The following ZFTA variants were observed in gnomAD, a reference collection of about 807,000 sequenced individuals.
ZFTA encodes the protein zinc finger translocation-associated protein.
A neutral mutation model predicts 41.8 loss-of-function variants in ZFTA; 35 were observed. The observed-to-expected ratio is 0.84, with a 90% CI of 0.64 to 1.11. ZFTA has a LOEUF of 1.11. ZFTA is among the 50% of genes most tolerant of loss of function. The pLI is 0.00. For synonymous variants in ZFTA, 514 were observed against 436.4 expected (o/e 1.18, Z -2.22); for missense variants, 964 against 989.8 (o/e 0.97, Z 0.35).
rs1478638121 is a variant in ZFTA, at chr11:63,761,072, T to A, written c.*2346A>T. ...GCCTACTGTTTTTGAATGGGCAGAGTAAAAAAAGTGGTGTTAATACTCTGG... is the reference window on the plus strand; with the variant it reads ...GCCTACTGTTTTTGAATGGGCAGAGAAAAAAAAGTGGTGTTAATACTCTGG... On this transcript the variant is annotated 3_prime_UTR_variant, in exon 5 of 5. Coordinates refer to ENST00000433688, the MANE Select transcript of ZFTA (RefSeq NM_001144936.2). 1 of 151,346 alleles carries A rather than the reference T, an allele frequency of 6.6e-6. No individual in the cohort carries two copies. Among genetic ancestry groups the A allele is most frequent in the South Asian group, 2.1e-4 (1 of 4,808 alleles). The allele number at this position is 151,346 out of a possible 1,614,324, so 9.4% of individuals were successfully genotyped here. A position where few individuals can be genotyped will look rare whatever the true frequency, so the allele number is the denominator to read the frequency against.
rs1040792293 is a variant in ZFTA, at chr11:63,768,723, G to A, written c.-101C>T. 2.0e-4 allele frequency: 90 copies of A among 447,656 alleles called. No individual in the cohort carries two copies. The highest frequency in any genetic ancestry group is 1.9e-3 in the African/African-American group (87 of 46,228). The allele number at this position is 447,656 out of a possible 1,614,324, so 27.7% of individuals were successfully genotyped here. On this transcript the variant is annotated 5_prime_UTR_variant, in exon 1 of 5. Coordinates refer to ENST00000433688, the MANE Select transcript of ZFTA (RefSeq NM_001144936.2). ...CTCGCTGCGCGGGGCCCCGGGGCGC[G>A]GGGCGCATGCACGGGGCGGCCGGCC...
Position 63,764,186 on chromosome 11 carries a change from C to T in ZFTA, c.1437G>A (p.Glu479=). ...GCAGGTGGGCGGCCTTCTCGCTCCACTCCCGGGCGATGAGGGCCTGGACAG... is the reference window on the plus strand; with the variant it reads ...GCAGGTGGGCGGCCTTCTCGCTCCATTCCCGGGCGATGAGGGCCTGGACAG... The part of the protein sequence containing the change: ...GGPVQALIAR[E]WSEKAAHLLA... The change falls in exon 4 of 5, where the codon GAG becomes GAA. Residue 479 remains glutamate (E), a synonymous_variant. Transcript: ENST00000433688. 7.2e-7 allele frequency: 1 copy of T among 1,389,386 alleles called. No individual in the cohort carries two copies. 86.1% of individuals were successfully genotyped at this position (1,389,386 alleles called of 1,614,324 possible).
In ZFTA at chr11:63,764,342, G is replaced by A. The variant is rs1271963521; in HGVS notation, c.1281C>T (p.Leu427=). The stretch of plus-strand genomic sequence containing the variant: ...CGCGCCGGCCGCCGTCCAACTCCAT[G>A]AGGTACTCCAGCCGCCAGCGCTCCT... ...HPQERWRLEY[L]MELDGGRRGL... Residue 427 remains leucine, a synonymous_variant, in exon 4 of 5, where the codon CTC becomes CTT. Transcript: ENST00000433688. The A allele has an allele frequency of 7.4e-7, 1 of 1,350,032 alleles. No homozygotes were observed. Among genetic ancestry groups the A allele is most frequent in the African/African-American group, 1.6e-5 (1 of 64,476 alleles). The allele number at this position is 1,350,032 out of a possible 1,614,324, so 83.6% of individuals were successfully genotyped here.
chr11:63,768,599 C>T lies in ZFTA; in HGVS notation c.24G>A (p.Arg8=). Residue 8 remains arginine (R), a synonymous_variant, in exon 1 of 5, where the codon CGG becomes CGA. Coordinates refer to ENST00000433688, the MANE Select transcript of ZFTA (RefSeq NM_001144936.2). ...CGCCCCTGCCGCCGCTGCTCCGGCT[C>T]CGGTGGTCCCCGCCGGGCTCCATGC... MEPGGDH[R]SRSSGGRGGP... 2 of 1,025,520 alleles carry T rather than the reference C, an allele frequency of 2.0e-6. No individual in the cohort carries two copies. Among genetic ancestry groups the T allele is most frequent in the Non-Finnish European group, 2.3e-6 (2 of 858,864 alleles). 63.5% of individuals were successfully genotyped at this position (1,025,520 alleles called of 1,614,324 possible). A position where few individuals can be genotyped will look rare whatever the true frequency, so the allele number is the denominator to read the frequency against.
chr11:63,765,850 C>T lies in ZFTA; in HGVS notation c.594G>A (p.Glu198=). ...EEEEEEEEEE[E]EEGAGVPACP... ...AAGCTGGGACACCGGCCCCCTCCTC[C>T]TCCTCCTCTTCTTCCTCCTCCTCCT... Residue 198 remains glutamate (E), a synonymous_variant, in exon 2 of 5, where the codon GAG becomes GAA. Transcript: ENST00000433688. The surrounding 1 kb of genome is among the most constrained non-coding windows in gnomAD (Gnocchi z 4.0). 1 of 1,509,268 alleles carries T rather than the reference C, an allele frequency of 6.6e-7. No individual in the cohort carries two copies. Among genetic ancestry groups the T allele is most frequent in the Non-Finnish European group, 8.9e-7 (1 of 1,129,100 alleles). The allele number at this position is 1,509,268 out of a possible 1,614,324, so 93.5% of individuals were successfully genotyped here.
rs956036877 is a variant in ZFTA, at chr11:63,768,659, G to GCGCGGGGC, written c.-45_-38dup. On this transcript the variant is annotated 5_prime_UTR_variant, in exon 1 of 5. Coordinates refer to ENST00000433688, the MANE Select transcript of ZFTA (RefSeq NM_001144936.2). Reference sequence around the variant, plus strand: ...CGGAGCGGGGCCCCGGGGCGGCGGGGCGCGGGGCCGCGGGGCCGGCGGCAG... The same window carrying GCGCGGGGC: ...CGGAGCGGGGCCCCGGGGCGGCGGGGCGCGGGGCCGCGGGGCCGCGGGGCCGGCGGCAG... The GCGCGGGGC allele has an allele frequency of 5.0e-5, 48 of 955,758 alleles. 2 individuals carry two copies. In the Admixed American group the frequency reaches 1.1e-3, roughly 22 times the overall value. 59.2% of individuals were successfully genotyped at this position (955,758 alleles called of 1,614,324 possible). A position where few individuals can be genotyped will look rare whatever the true frequency, so the allele number is the denominator to read the frequency against.
Position 63,765,141 on chromosome 11 carries a change from G to C in ZFTA, c.751C>G (p.Leu251Val). 6.5e-7 allele frequency: 1 copy of C among 1,547,030 alleles called. No homozygotes were observed. The stretch of plus-strand genomic sequence containing the variant: ...CTCCTCTCCAGGCGCCGGGCCCCCA[G>C]CCCCCTGCTGCCCCCGGCCCTCCGG... Reference protein sequence around the residue: ...ASRRAGGSRGLGARRLERRLK... With the variant: ...ASRRAGGSRGVGARRLERRLK... Residue 251 changes from leucine to valine, a missense_variant, in exon 3 of 5, where the codon CTG (leucine) becomes GTG (valine). Around this residue, in one of 5 missense-constraint regions of ZFTA, gnomAD observed 584 missense variants for 523.1 expected, o/e 1.12. Coordinates refer to ENST00000433688, the MANE Select transcript of ZFTA (RefSeq NM_001144936.2). The surrounding 1 kb of genome is among the most constrained non-coding windows in gnomAD (Gnocchi z 4.0).
chr11:63,763,729 C>T lies in ZFTA; in HGVS notation c.1726G>A (p.Glu576Lys). 6.6e-7 allele frequency: 1 copy of T among 1,511,310 alleles called. No individual in the cohort carries two copies. The highest frequency in any genetic ancestry group is 8.9e-7 in the Non-Finnish European group (1 of 1,125,912). The allele number at this position is 1,511,310 out of a possible 1,614,324, so 93.6% of individuals were successfully genotyped here. ...PPPPPPPRSR[E>K]QRRNYQPRWR... ...CGCGGCTGGTAGTTCCGCCGCTGCT[C>T]CCGGCTGCGGGGCGGGGGCGGAGGC... Residue 576 changes from glutamate (E) to lysine (K), a missense_variant, in exon 5 of 5, where the codon GAG (glutamate) becomes AAG (lysine). This residue lies in a region of ZFTA where 584 missense variants were observed against 523.1 expected (regional missense o/e 1.12). Transcript: ENST00000433688.
In ZFTA at chr11:63,762,413, AGATC is replaced by A. The variant is rs1315870987; in HGVS notation, c.*1001_*1004del. ...CACATCCCTCTCGGACCTGCCTGGG[AGATC>A]GCGGGGCCCCATCCCTGCCACACAG... On this transcript the variant is annotated 3_prime_UTR_variant, in exon 5 of 5. Coordinates refer to ENST00000433688, the MANE Select transcript of ZFTA (RefSeq NM_001144936.2). The A allele has an allele frequency of 6.6e-6, 1 of 152,228 alleles. No individual in the cohort carries two copies. Among genetic ancestry groups the A allele is most frequent in the African/African-American group, 2.4e-5 (1 of 41,464 alleles). The allele number at this position is 152,228 out of a possible 1,614,324, so 9.4% of individuals were successfully genotyped here. A position where few individuals can be genotyped will look rare whatever the true frequency, so the allele number is the denominator to read the frequency against.
At position 63,768,641 on chromosome 11, in the gene ZFTA, G is replaced by C; in HGVS notation, c.-19C>G. On this transcript the variant is annotated 5_prime_UTR_variant, in exon 1 of 5. Coordinates refer to ENST00000433688, the MANE Select transcript of ZFTA (RefSeq NM_001144936.2). ...GCTCCATGCGCTGCGCTGCGGAGCG[G>C]GGCCCCGGGGCGGCGGGGCGCGGGG... 2.0e-6 allele frequency: 2 copies of C among 979,118 alleles called. No homozygotes were observed. Among genetic ancestry groups the C allele is most frequent in the Non-Finnish European group, 2.4e-6 (2 of 827,762 alleles). 60.7% of individuals were successfully genotyped at this position (979,118 alleles called of 1,614,324 possible).
In ZFTA at chr11:63,763,278, G is replaced by A; in HGVS notation, c.*140C>T. The A allele has an allele frequency of 7.6e-6, 4 of 529,722 alleles. No homozygotes were observed. Among genetic ancestry groups the A allele is most frequent in the Non-Finnish European group, 1.0e-5 (4 of 390,316 alleles). 32.8% of individuals were successfully genotyped at this position (529,722 alleles called of 1,614,324 possible). ...CCCACCCGATCCCCCGTCTCCGCCC[G>A]GCCCGGCCAGCGGGGGGCGCGGCCG... On this transcript the variant is annotated 3_prime_UTR_variant, in exon 5 of 5. Transcript: ENST00000433688.
At chr11:63,768,031 A>T (rs1233487920) in intron 1 of ZFTA, among the ~76,000 whole-genome samples, 2 of 152,144 alleles carry the variant, frequency 1.3e-5, no homozygotes, top group East Asian at 3.9e-4. Context: ...GCCCGATTTA[A>T]AACAGCAGAG....
Position 63,764,304 on chromosome 11 carries a change from C to T in ZFTA, c.1319G>A (p.Gly440Glu). Reference protein sequence around the residue: ...LDGGRRGLVCGVCGGALASLK... With the variant: ...LDGGRRGLVCEVCGGALASLK... Reference sequence around the variant, plus strand: ...CGAGGCCAGCGCGCCCCCGCACACCCCGCACACCAGGCCGCGCCGGCCGCC... The same window carrying T: ...CGAGGCCAGCGCGCCCCCGCACACCTCGCACACCAGGCCGCGCCGGCCGCC... The change falls in exon 4 of 5, where the codon GGG (glycine) becomes GAG (glutamate). Residue 440 changes from glycine to glutamate, a missense_variant. Physicochemically the swap from Gly to Glu is moderately conservative, Grantham distance 98. This residue lies in a region of ZFTA where 584 missense variants were observed against 523.1 expected (regional missense o/e 1.12). Coordinates refer to ENST00000433688, the MANE Select transcript of ZFTA (RefSeq NM_001144936.2). The T allele has an allele frequency of 1.4e-6, 2 of 1,422,206 alleles. No homozygotes were observed. Among genetic ancestry groups the T allele is most frequent in the Non-Finnish European group, 1.8e-6 (2 of 1,093,354 alleles). 88.1% of individuals were successfully genotyped at this position (1,422,206 alleles called of 1,614,324 possible).
At position 63,765,792 on chromosome 11, in the gene ZFTA, C is replaced by T; in HGVS notation, c.637+15G>A. ...ACCCAGGCCCCTGCCTGTACAGAAT[C>T]TGCATTTGCATTACCTGGGCCCTTG... On this transcript the variant is annotated intron_variant, in intron 2 of 4. Transcript: ENST00000433688. The surrounding 1 kb of genome is among the most constrained non-coding windows in gnomAD (Gnocchi z 4.0). The T allele has an allele frequency of 1.4e-6, 2 of 1,458,122 alleles. No individual in the cohort carries two copies. The highest frequency in any genetic ancestry group is 1.4e-5 in the South Asian group (1 of 69,784). The allele number at this position is 1,458,122 out of a possible 1,614,324, so 90.3% of individuals were successfully genotyped here.
At chr11:63,768,463 G>A in intron 1 of ZFTA, 21 bp downstream of exon 1, 2 of 1,114,366 alleles carry the variant, frequency 1.8e-6, no homozygotes, top group South Asian at 2.6e-5. Context: ...CCCCGCCCGG[G>A]CCGCCGGCCC....
chr11:63,764,149 G>A lies in ZFTA; in HGVS notation c.1474C>T (p.Pro492Ser). Residue 492 changes from proline to serine, a missense_variant, in exon 4 of 5, where the codon CCG becomes TCG. Transcript: ENST00000433688. ...CCCTGGGGGGACTCGGGGCGGGGCG[G>A]CCCCAGGGCCAGCAGGTGGGCGGCC... ...EKAAHLLALG[P>S]PRPESPQGPI... 10 of 1,352,368 alleles carry A rather than the reference G, an allele frequency of 7.4e-6. No homozygotes were observed. In the South Asian group the frequency reaches 1.8e-4, roughly 25 times the overall value. 83.8% of individuals were successfully genotyped at this position (1,352,368 alleles called of 1,614,324 possible).
Position 63,764,433 on chromosome 11 carries a change from C to T in ZFTA, c.1190G>A (p.Gly397Asp). ...CGGGACCCCCGCCCTCTCGCCCTCG[C>T]CCTCCTCCAGCTCCTCCTCCTCCTC... ...PAEEEEELEE[G>D]EGERAGVPGR... The change falls in exon 4 of 5, where the codon GGC becomes GAC. Residue 397 changes from glycine (G) to aspartate (D), a missense_variant. Physicochemically the swap from Gly to Asp is moderately conservative, Grantham distance 94 (BLOSUM62 -1). Coordinates refer to ENST00000433688, the MANE Select transcript of ZFTA (RefSeq NM_001144936.2). 7.9e-7 allele frequency: 1 copy of T among 1,267,246 alleles called. No homozygotes were observed. Among genetic ancestry groups the T allele is most frequent in the Non-Finnish European group, 9.9e-7 (1 of 1,006,472 alleles). The allele number at this position is 1,267,246 out of a possible 1,614,324, so 78.5% of individuals were successfully genotyped here. A position where few individuals can be genotyped will look rare whatever the true frequency, so the allele number is the denominator to read the frequency against.
Position 63,764,045 on chromosome 11 carries a change from C to T in ZFTA, c.1578G>A (p.Glu526=), listed in dbSNP as rs918523894. 1.6e-5 allele frequency: 21 copies of T among 1,330,794 alleles called. No individual in the cohort carries two copies. The highest frequency in any genetic ancestry group is 1.8e-5 in the Non-Finnish European group (19 of 1,040,204). 82.4% of individuals were successfully genotyped at this position (1,330,794 alleles called of 1,614,324 possible). A position where few individuals can be genotyped will look rare whatever the true frequency, so the allele number is the denominator to read the frequency against. The change falls in exon 4 of 5, where the codon GAG becomes GAA. Residue 526 remains glutamate, a synonymous_variant. Transcript: ENST00000433688. ...DEEEEPEEEE[E]EWGDVPLSPG... ...TCTGGCCCCACCGCTCACCCCACTCCTCCTCCTCCTCCTCTGGCTCCTCCT... is the reference window on the plus strand; with the variant it reads ...TCTGGCCCCACCGCTCACCCCACTCTTCCTCCTCCTCCTCTGGCTCCTCCT...
At position 63,763,523 on chromosome 11, in the gene ZFTA, C is replaced by T. The variant is rs1382724688; in HGVS notation, c.1932G>A (p.Glu644=). The change falls in exon 5 of 5, where the codon GAG becomes GAA. Residue 644 remains glutamate, a synonymous_variant. Transcript: ENST00000433688. The part of the protein sequence containing the change: ...EERQTILEAY[E]EAALRCYGHE... Reference sequence around the variant, plus strand: ...GGCCGTAGCAGCGCAGCGCCGCCTCCTCGTAGGCCTCCAGGATAGTCTGGC... The same window carrying T: ...GGCCGTAGCAGCGCAGCGCCGCCTCTTCGTAGGCCTCCAGGATAGTCTGGC... 3.2e-6 allele frequency: 5 copies of T among 1,545,148 alleles called. No homozygotes were observed.
Sources: allele counts gnomAD v4.1 joint callset (sites outside exome capture counted in the v4.1 genomes callset), GRCh38; gene constraint gnomAD v4.1.1; regional missense constraint gnomAD v4.1.1; non-coding constraint Gnocchi (gnomAD v3.1); transcripts MANE v1.5; gene names NCBI Gene and HGNC (gene_info 2026-07-23, HGNC 2026-07-21).